The following NLGN1 variants were observed in gnomAD, a reference collection of about 807,000 sequenced individuals.
The protein encoded by NLGN1 is neuroligin 1, also known as neuroligin-1.
In NLGN1, 12 loss-of-function variants were observed where a neutral mutation model predicts 65.5. The ratio of observed to expected loss-of-function variants is 0.18; its 90% CI spans 0.12 to 0.30. NLGN1 has a LOEUF of 0.30. NLGN1 is among the 10% of genes least tolerant of loss of function. The pLI is 1.00. For synonymous variants in NLGN1, 350 were observed against 359.5 expected (o/e 0.97, Z 0.30); for missense variants, 750 against 1,007.1 (o/e 0.74, Z 3.46).
At chr3:174,106,977 G>T (rs1433721066) in intron 4 of NLGN1, among the ~76,000 whole-genome samples, 5 of 125,152 alleles carry the variant, frequency 4.0e-5, no homozygotes, top group Non-Finnish European at 6.7e-5. Flanking sequence ...ATCTCTTCAA[G>T]AATCACACAC....
At chr3:173,885,404 G>T (rs1029483424) in intron 4 of NLGN1, among the ~76,000 whole-genome samples, 7 of 151,968 alleles carry the variant, frequency 4.6e-5, no homozygotes, top group Non-Finnish European at 4.4e-5. Context: ...AAAGTGAAAA[G>T]AATCTCTTTT....
At chr3:173,450,701 A>G (rs960934033) in intron 2 of NLGN1, among the ~76,000 whole-genome samples, 3 of 152,180 alleles carry the variant, frequency 2.0e-5, no homozygotes, top group Non-Finnish European at 2.9e-5. Context: ...AGGTACAACA[A>G]TCAGACGTAG....
intron 3 of NLGN1, among the ~76,000 whole-genome samples, chr3:173,743,812 A>G (rs1309911902): frequency 6.6e-6 from 1 of 152,028 alleles, no homozygotes; most frequent in Non-Finnish European, 1.5e-5. Context: ...CAGTCCATAT[A>G]ATTGCTTTAA....
At chr3:173,671,178 C>A (rs1762396402) in intron 3 of NLGN1, among the ~76,000 whole-genome samples, 1 of 152,100 alleles carries the variant, frequency 6.6e-6, no homozygotes, top group Non-Finnish European at 1.5e-5. Context: ...GAAGAAGTAG[C>A]ATAAAACCTA....
intron 4 of NLGN1, among the ~76,000 whole-genome samples, chr3:174,043,705 T>C (rs1732871373): frequency 6.6e-6 from 1 of 152,200 alleles, no homozygotes; most frequent in African/African-American, 2.4e-5. Flanking sequence ...TTTCACAGGT[T>C]GGTGTTGAGT....
At chr3:174,068,011 GTT>G (rs577455914) in intron 4 of NLGN1, among the ~76,000 whole-genome samples, 118 of 152,252 alleles carry the variant, frequency 7.8e-4, no homozygotes, top group Admixed American at 4.2e-3. Flanking sequence ...AGGCTGGAGT[GTT>G]TGTTTCCCAC....
At chr3:174,089,754 C>G (rs1449012973) in intron 4 of NLGN1, among the ~76,000 whole-genome samples, 1 of 152,116 alleles carries the variant, frequency 6.6e-6, no homozygotes, top group African/African-American at 2.4e-5. Context: ...GTGGAGTGTG[C>G]TGCAGATCCA....
chr3:173,640,283 G>T (rs903131181), intron 3 of NLGN1, among the ~76,000 whole-genome samples: 10 of 151,928 alleles, frequency 6.6e-5, no homozygotes, highest in Non-Finnish European at 1.2e-4. Flanking sequence ...TAGAAGAAAG[G>T]TCTATATTTC....
chr3:173,733,277 C>T (rs1773160105), intron 3 of NLGN1, among the ~76,000 whole-genome samples: 1 of 152,122 alleles, frequency 6.6e-6, no homozygotes, highest in Admixed American at 6.6e-5. Flanking sequence ...TTTTGAAAAT[C>T]TTGCAAAACT....
At chr3:173,686,739 G>A (rs540743974) in intron 3 of NLGN1, among the ~76,000 whole-genome samples, 3 of 152,202 alleles carry the variant, frequency 2.0e-5, no homozygotes, top group East Asian at 3.9e-4. Context: ...CAGATCACGA[G>A]GTTAGGAGTT....
chr3:173,770,182 A>G (rs77656183), intron 3 of NLGN1, among the ~76,000 whole-genome samples: 215 of 152,326 alleles, frequency 1.4e-3, no homozygotes, highest in African/African-American at 5.0e-3. Context: ...TCTGTGGTGG[A>G]AAATGCCAGA....
chr3:173,717,066 C>G (rs1363519895), intron 3 of NLGN1, among the ~76,000 whole-genome samples: 1 of 152,172 alleles, frequency 6.6e-6, no homozygotes, highest in Non-Finnish European at 1.5e-5. Context: ...CTTTTAGCCA[C>G]TTTTAAGCCC....
intron 4 of NLGN1, among the ~76,000 whole-genome samples, chr3:174,147,117 G>C (rs1261456161): frequency 6.6e-6 from 1 of 152,092 alleles, no homozygotes; most frequent in African/African-American, 2.4e-5. Flanking sequence ...GTCATCCCCA[G>C]TTATAGAAAA....
chr3:173,592,136 C>T, intron 2 of NLGN1, among the ~76,000 whole-genome samples: 1 of 152,146 alleles, frequency 6.6e-6, no homozygotes, highest in East Asian at 1.9e-4. Flanking sequence ...CCTCCCTGTT[C>T]ATTTGGAAGT....
In NLGN1 at chr3:173,823,257, G is replaced by A. The variant is rs111676414; in HGVS notation, c.646+15425G>A. Among the ~76,000 whole-genome samples, 131 of 151,950 alleles carry A rather than the reference G, an allele frequency of 8.6e-4. 1 individual carries two copies. Among genetic ancestry groups the A allele is most frequent in the African/African-American group, 3.1e-3 (127 of 41,484 alleles). On this transcript the variant is annotated intron_variant, in intron 4 of 6. Transcript: ENST00000457714. ...ATCCACCACCTACTACTTTTGGATCGGTGCTGTCTAACAGAAATATACTGC... is the reference window on the plus strand; with the variant it reads ...ATCCACCACCTACTACTTTTGGATCAGTGCTGTCTAACAGAAATATACTGC...
chr3:174,117,540 G>A (rs1363956253), intron 4 of NLGN1, among the ~76,000 whole-genome samples: 1 of 151,774 alleles, frequency 6.6e-6, no homozygotes, highest in Non-Finnish European at 1.5e-5. Context: ...AGAAAGGCGT[G>A]AACCCGGGAG....
At chr3:173,411,199 A>C (rs960717136) in intron 1 of NLGN1, among the ~76,000 whole-genome samples, 2 of 152,228 alleles carry the variant, frequency 1.3e-5, no homozygotes, top group African/African-American at 4.8e-5. Flanking sequence ...GATTGCTATA[A>C]ACTAATCATT....
chr3:174,115,954 A>C (rs1238958621), intron 4 of NLGN1, among the ~76,000 whole-genome samples: 1 of 152,204 alleles, frequency 6.6e-6, no homozygotes, highest in Non-Finnish European at 1.5e-5. Context: ...TCCATTTAAC[A>C]GTTAAAAATG....
chr3:174,065,121 T>C (rs1338950484), intron 4 of NLGN1, among the ~76,000 whole-genome samples: 2 of 152,022 alleles, frequency 1.3e-5, no homozygotes, highest in African/African-American at 4.8e-5. Flanking sequence ...GAAAGACTAC[T>C]ATCTGTTTTA....
Sources: gnomAD v4.1 joint callset for allele counts (sites outside exome capture counted in the v4.1 genomes callset) on GRCh38, gnomAD v4.1.1 for gene constraint, MANE v1.5 for transcripts, NCBI Gene and HGNC (gene_info 2026-07-23, HGNC 2026-07-21) for gene names.